Variants in LYPD2 observed in about 807,000 individuals in gnomAD.
LYPD2 encodes LY6/PLAUR domain containing 2.
A neutral mutation model predicts 7.1 loss-of-function variants in LYPD2; 5 were observed. That is an observed-to-expected ratio of 0.70 (90% confidence interval 0.37 to 1.48). The LOEUF (loss-of-function observed/expected upper bound fraction) is 1.48, where lower values mean the gene tolerates loss of function less well. LYPD2 is among the 40% of genes most tolerant of loss of function. The pLI is 0.03. For synonymous variants in LYPD2, 78 were observed against 82.0 expected (o/e 0.95, Z 0.26); for missense variants, 177 against 171.0 (o/e 1.04, Z -0.20).
intron 2 of LYPD2, 104 bp from the exon 3 acceptor site, chr8:142,750,586 C>G: frequency 8.9e-7 from 1 of 1,124,194 alleles, no homozygotes; most frequent in Non-Finnish European, 1.3e-6. Context: ...GGTCACCCAC[C>G]CGGGTCTCCG....
At chr8:142,750,892 G>A (rs1048241282) in intron 2 of LYPD2, among the ~76,000 whole-genome samples, 159 bp downstream of exon 2, 2 of 152,262 alleles carry the variant, frequency 1.3e-5, no homozygotes. Flanking sequence ...CTGGGGCCAA[G>A]CTGGCTGGTG....
intron 1 of LYPD2, among the ~76,000 whole-genome samples, chr8:142,751,709 C>T (rs1161396712): frequency 1.3e-5 from 2 of 151,988 alleles, no homozygotes; most frequent in African/African-American, 2.4e-5. Flanking sequence ...CGGAGAGGCT[C>T]CAATTCCCTC....
At chr8:142,752,310 T>C in intron 1 of LYPD2, 84 bp downstream of exon 1, 2 of 1,518,772 alleles carry the variant, frequency 1.3e-6, no homozygotes, top group Non-Finnish European at 1.8e-6. Context: ...GGCCCCTTCC[T>C]GGGGCGCCCT....
chr8:142,751,375 A>G (rs754735883), intron 1 of LYPD2, among the ~76,000 whole-genome samples: 27 of 152,216 alleles, frequency 1.8e-4, no homozygotes, highest in Non-Finnish European at 2.2e-4. Context: ...CCAGAGGCAG[A>G]GTCGGCTGCT....
chr8:142,751,738 C>T (rs979365390), intron 1 of LYPD2, among the ~76,000 whole-genome samples: 5 of 152,136 alleles, frequency 3.3e-5, no homozygotes, highest in African/African-American at 9.7e-5. Context: ...GTGACCCCGG[C>T]CCCAACCGCA....
rs1465540429 is a variant in LYPD2 at position 142,750,220 on chromosome 8, G to A, written c.*63C>T. 9 of 1,417,058 alleles carry A rather than the reference G, an allele frequency of 6.4e-6. No homozygotes were observed. In the East Asian group the frequency reaches 2.2e-4, roughly 35 times the overall value. The allele number at this position is 1,417,058 out of a possible 1,614,324, so 87.8% of individuals were successfully genotyped here. The stretch of plus-strand genomic sequence containing the variant: ...AAGGAGACTCAGGAGTCCTGGTGCA[G>A]GGGGCACTTCTTCAAGGCATTCGGG... On this transcript the variant is annotated 3_prime_UTR_variant, in exon 3 of 3. Coordinates refer to ENST00000359228, the MANE Select transcript of LYPD2 (RefSeq NM_205545.3).
intron 2 of LYPD2, among the ~76,000 whole-genome samples, 161 bp from the exon 3 acceptor site, chr8:142,750,643 G>A (rs1017877066): frequency 5.3e-5 from 8 of 152,192 alleles, no homozygotes; most frequent in Non-Finnish European, 7.3e-5. Flanking sequence ...TCCCACCGAC[G>A]TTGTCCGGGT....
At position 142,750,369 on chromosome 8, in the gene LYPD2, G is replaced by A; in HGVS notation, c.292C>T (p.Leu98=). The A allele has an allele frequency of 6.4e-7, 1 of 1,567,150 alleles. No homozygotes were observed. Among genetic ancestry groups the A allele is most frequent in the Admixed American group, 1.9e-5 (1 of 53,174 alleles). ...GCGGGCGCCCCGTCTACATTGCACA[G>A]CTCAGTATTGCAGCAGGACACGGGC... ...TLPVSCCNTE[L]CNVDGAPALN... Residue 98 remains leucine (L), a synonymous_variant, in exon 3 of 3, where the codon CTG becomes TTG. Coordinates refer to ENST00000359228, the MANE Select transcript of LYPD2 (RefSeq NM_205545.3).
In LYPD2 at chr8:142,751,180, A is replaced by AGGGACAAGGGCG; in HGVS notation, c.59-22_59-11dup. On this transcript the variant is annotated splice_polypyrimidine_tract_variant and intron_variant, in intron 1 of 2. Coordinates refer to ENST00000359228, the MANE Select transcript of LYPD2 (RefSeq NM_205545.3). The stretch of plus-strand genomic sequence containing the variant: ...CAGCGCAGGGCCGGCGCTGGGGAGA[A>AGGGACAAGGGCG]GGGACAAGGGCGGTCAGGCAGGCTC... 1.9e-6 allele frequency: 3 copies of AGGGACAAGGGCG among 1,613,506 alleles called. No individual in the cohort carries two copies. Among genetic ancestry groups the AGGGACAAGGGCG allele is most frequent in the Non-Finnish European group, 2.5e-6 (3 of 1,179,928 alleles).
At chr8:142,752,307 T>C in intron 1 of LYPD2, 87 bp downstream of exon 1, 2 of 1,512,710 alleles carry the variant, frequency 1.3e-6, no homozygotes, top group Non-Finnish European at 1.8e-6. Flanking sequence ...TGAGGCCCCT[T>C]CCTGGGGCGC....
At position 142,750,317 on chromosome 8, in the gene LYPD2, A is replaced by G; in HGVS notation, c.344T>C (p.Leu115Pro). Residue 115 changes from leucine to proline, a missense_variant, in exon 3 of 3, where the codon CTC becomes CCC. Coordinates refer to ENST00000359228, the MANE Select transcript of LYPD2 (RefSeq NM_205545.3). ...GAGGCTCAAGAGTGGGAGGAGCGTG[A>G]GGGCCCCGCAGTGGAGGCTGTTCAG... Reference protein sequence around the residue: ...PALNSLHCGALTLLPLLSLRL With the variant: ...PALNSLHCGAPTLLPLLSLRL 6.4e-7 allele frequency: 1 copy of G among 1,553,924 alleles called. No individual in the cohort carries two copies. Among genetic ancestry groups the G allele is most frequent in the Non-Finnish European group, 8.7e-7 (1 of 1,148,634 alleles).
chr8:142,750,661 A>G (rs1299200387), intron 2 of LYPD2, among the ~76,000 whole-genome samples, 179 bp from the exon 3 acceptor site: 1 of 152,190 alleles, frequency 6.6e-6, no homozygotes, highest in South Asian at 2.1e-4. Flanking sequence ...GGTGTCTACC[A>G]TGTGCCAGGC....
Position 142,750,278 on chromosome 8 carries a change from G to A in LYPD2, c.*5C>T, listed in dbSNP as rs754301808. The stretch of plus-strand genomic sequence containing the variant: ...CGCATAGGGCCATGGGGGTGGGCGG[G>A]GACTCTACAGTCGGAGGCTCAAGAG... On this transcript the variant is annotated 3_prime_UTR_variant, in exon 3 of 3. Coordinates refer to ENST00000359228, the MANE Select transcript of LYPD2 (RefSeq NM_205545.3). The A allele has an allele frequency of 1.5e-5, 23 of 1,550,294 alleles. No homozygotes were observed. The highest frequency in any genetic ancestry group is 1.7e-4 in the Middle Eastern group (1 of 5,888).
chr8:142,751,142 C>T lies in LYPD2; in HGVS notation c.87G>A (p.Pro29=), dbSNP rs762136284. 4.3e-6 allele frequency: 7 copies of T among 1,614,136 alleles called. No homozygotes were observed. The highest frequency in any genetic ancestry group is 1.3e-5 in the African/African-American group (1 of 75,058). ...LAPALRCYVC[P]EPTGVSDCVT... is the part of the protein sequence containing the mutation. The stretch of plus-strand genomic sequence containing the variant: ...CACAGTCCGACACTCCTGTGGGCTC[C>T]GGACAGACGTAGCAGCGCAGGGCCG... The change falls in exon 2 of 3, where the codon CCG becomes CCA. Residue 29 remains proline (P), a synonymous_variant. Coordinates refer to ENST00000359228, the MANE Select transcript of LYPD2 (RefSeq NM_205545.3).
Position 142,750,295 on chromosome 8 carries a change from G to T in LYPD2, c.366C>A (p.Ser122Arg), listed in dbSNP as rs1026983024. The T allele has an allele frequency of 2.0e-5, 31 of 1,551,908 alleles. No individual in the cohort carries two copies. Among genetic ancestry groups the T allele is most frequent in the Non-Finnish European group, 2.4e-5 (28 of 1,147,548 alleles). The change falls in exon 3 of 3, where the codon AGC becomes AGA. Residue 122 changes from serine to arginine, a missense_variant. Physicochemically the swap from Ser to Arg is moderately radical, Grantham distance 110 (BLOSUM62 -1). Transcript: ENST00000359228. ...GTGGGCGGGGACTCTACAGTCGGAG[G>T]CTCAAGAGTGGGAGGAGCGTGAGGG... is the stretch of plus-strand genomic sequence containing the variant. Reference protein sequence around the residue: ...CGALTLLPLLSLRL With the variant: ...CGALTLLPLLRLRL
intron 1 of LYPD2, among the ~76,000 whole-genome samples, chr8:142,751,928 T>C (rs2130038932): frequency 6.6e-6 from 1 of 152,252 alleles, no homozygotes; most frequent in Admixed American, 6.5e-5. Context: ...CTGCTTCTGG[T>C]TGAGTCCAGG....
chr8:142,750,350 G>GC lies in LYPD2; in HGVS notation c.310dup (p.Ala104GlyfsTer50). 6.4e-7 allele frequency: 1 copy of GC among 1,559,010 alleles called. No homozygotes were observed. The highest frequency in any genetic ancestry group is 1.4e-5 in the African/African-American group (1 of 73,584). ...GCAGTGGAGGCTGTTCAGAGCGGGC[G>GC]CCCCGTCTACATTGCACAGCTCAGT... On this transcript the variant is annotated frameshift_variant, in exon 3 of 3. Transcript: ENST00000359228. LOFTEE classifies it low-confidence loss of function (END_TRUNC).
chr8:142,752,476 C>G lies in LYPD2; in HGVS notation c.-25G>C, dbSNP rs2130040198. On this transcript the variant is annotated 5_prime_UTR_variant, in exon 1 of 3. Coordinates refer to ENST00000359228, the MANE Select transcript of LYPD2 (RefSeq NM_205545.3). The stretch of plus-strand genomic sequence containing the variant: ...TGGTCCCGGCCCACTCCTCTGTGCT[C>G]TCACCCCAGGCTTGCCTGGCGGGGA... The G allele has an allele frequency of 1.2e-6, 2 of 1,612,416 alleles. No homozygotes were observed. Among genetic ancestry groups the G allele is most frequent in the South Asian group, 1.1e-5 (1 of 90,988 alleles).
At chr8:142,751,645 T>C (rs1814716974) in intron 1 of LYPD2, among the ~76,000 whole-genome samples, 1 of 152,148 alleles carries the variant, frequency 6.6e-6, no homozygotes, top group African/African-American at 2.4e-5. Flanking sequence ...CCGGGCTGTG[T>C]CTGGGTGCCC....
Sources: allele counts gnomAD v4.1 joint callset (sites outside exome capture counted in the v4.1 genomes callset), GRCh38; gene constraint gnomAD v4.1.1; transcripts MANE v1.5; gene names NCBI Gene and HGNC (gene_info 2026-07-23, HGNC 2026-07-21).